SPRING1: variants seen among roughly 807,000 people sequenced by gnomAD.
The protein encoded by SPRING1 is SREBP regulating gene protein.
SPRING1 carries 14 observed loss-of-function variants against 24.7 expected under a neutral mutation model. That is an observed-to-expected ratio of 0.57 (90% CI 0.37 to 0.88). The LOEUF is 0.88. SPRING1 is among the 40% of genes least tolerant of loss of function. The probability of loss-of-function intolerance (pLI) is 0.00; values close to 1 mark genes in which losing one functional copy is unlikely to be tolerated. For missense variants in SPRING1, 255 were observed against 268.4 expected, an observed-to-expected ratio of 0.95 and a Z score of 0.35; for synonymous variants, 93 against 106.1, an observed-to-expected ratio of 0.88 and a Z score of 0.76.
chr12:116,731,609 G>A (rs1870979559), intron 1 of SPRING1, among the ~76,000 whole-genome samples: 1 of 152,060 alleles, frequency 6.6e-6, no homozygotes, highest in African/African-American at 2.4e-5. Flanking sequence ...AATTAGCTGG[G>A]TGTGGTTGCC....
chr12:116,738,055 G>T lies in SPRING1; in HGVS notation c.-155C>A, dbSNP rs1484081107. The stretch of plus-strand genomic sequence containing the variant: ...CAGTCTGCTCCCGGCAGCCTTGGGC[G>T]CAGCCCCACGTGACCCCGCCCTACG... On this transcript the variant is annotated 5_prime_UTR_variant, in exon 1 of 5. Transcript: ENST00000261318. The T allele has an allele frequency of 9.2e-7, 1 of 1,083,296 alleles. No individual in the cohort carries two copies. Among genetic ancestry groups the T allele is most frequent in the Non-Finnish European group, 1.1e-6 (1 of 894,638 alleles). The allele number at this position is 1,083,296 out of a possible 1,614,324, so 67.1% of individuals were successfully genotyped here.
chr12:116,735,641 G>A (rs1003588596), intron 1 of SPRING1, among the ~76,000 whole-genome samples: 3 of 152,076 alleles, frequency 2.0e-5, no homozygotes, highest in Non-Finnish European at 1.5e-5. Context: ...CTAAGGCAGG[G>A]AGAACTGCTT....
chr12:116,722,601 A>G (rs1870485706), intron 2 of SPRING1, among the ~76,000 whole-genome samples: 1 of 152,252 alleles, frequency 6.6e-6, no homozygotes, highest in African/African-American at 2.4e-5. Flanking sequence ...TGTCACTGGC[A>G]TCACTGCTGA....
At chr12:116,723,282 C>T (rs1375045691) in intron 1 of SPRING1, 59 bp from the exon 2 acceptor site, 6 of 1,588,364 alleles carry the variant, frequency 3.8e-6, no homozygotes, top group Non-Finnish European at 5.2e-6. Flanking sequence ...TACAATTTCA[C>T]CAGTTTTTCA....
chr12:116,737,179 T>TGCAGGGACCAAGGCGGTGG (rs974546792), intron 1 of SPRING1, among the ~76,000 whole-genome samples: 1 of 152,122 alleles, frequency 6.6e-6, no homozygotes, highest in African/African-American at 2.4e-5. Flanking sequence ...CCCTTCCCGC[T>TGCAGGGACCAAGGCGGTGG]GCAGGGACCA....
At chr12:116,721,562 A>G (rs1293199471) in intron 2 of SPRING1, among the ~76,000 whole-genome samples, 1 of 152,194 alleles carries the variant, frequency 6.6e-6, no homozygotes, top group Non-Finnish European at 1.5e-5. Flanking sequence ...TGGGTTCCAG[A>G]TACTTGGGAA....
chr12:116,722,507 A>T (rs1356968885), intron 2 of SPRING1, among the ~76,000 whole-genome samples: 1 of 152,192 alleles, frequency 6.6e-6, no homozygotes, highest in Non-Finnish European at 1.5e-5. Context: ...CCTTTTGCTA[A>T]ACTTCACTCT....
chr12:116,730,439 G>A (rs1870920892), intron 1 of SPRING1, among the ~76,000 whole-genome samples: 2 of 151,006 alleles, frequency 1.3e-5, no homozygotes, highest in Non-Finnish European at 1.5e-5. Context: ...CCTGACCTCA[G>A]GTGATCCACC....
rs1245249795 is a variant in SPRING1, at chr12:116,717,808, C to G, written c.*2G>C. ...CAGGCTGGAGCAAGTCCGCTGCACC[C>G]GTCAAGCGGGGAAGAGCTCGGGCGG... On this transcript the variant is annotated 3_prime_UTR_variant, in exon 5 of 5. Coordinates refer to ENST00000261318, the MANE Select transcript of SPRING1 (RefSeq NM_024738.4). This position sits in a 1 kb window ranked among gnomAD's most constrained non-coding sequence, Gnocchi z 4.2. The G allele has an allele frequency of 1.9e-6, 3 of 1,589,548 alleles. No homozygotes were observed. The highest frequency in any genetic ancestry group is 2.6e-6 in the Non-Finnish European group (3 of 1,169,774).
At chr12:116,731,035 T>C (rs1592923087) in intron 1 of SPRING1, among the ~76,000 whole-genome samples, 1 of 152,370 alleles carries the variant, frequency 6.6e-6, no homozygotes, top group East Asian at 1.9e-4. Context: ...GCCAAAGCTC[T>C]TCCTCAAGAC....
In SPRING1 at chr12:116,710,865, C is replaced by CA. The variant is rs1422299781; in HGVS notation, c.*6944_*6945insT. The CA allele has an allele frequency of 3.3e-5, 5 of 152,146 alleles. No homozygotes were observed. Among genetic ancestry groups the CA allele is most frequent in the Non-Finnish European group, 7.3e-5 (5 of 68,036 alleles). The allele number at this position is 152,146 out of a possible 1,614,324, so 9.4% of individuals were successfully genotyped here. On this transcript the variant is annotated 3_prime_UTR_variant, in exon 5 of 5. Transcript: ENST00000261318. ...TTGTTACAAAAATTGGAATTTGGAT[C>CA]TGCAAGATACGCTAGCCATCACCCT... is the stretch of plus-strand genomic sequence containing the variant.
rs1870240433 is a variant in SPRING1, at chr12:116,717,938, C to T, written c.535-45G>A. 3 of 1,423,596 alleles carry T rather than the reference C, an allele frequency of 2.1e-6. No individual in the cohort carries two copies. Among genetic ancestry groups the T allele is most frequent in the Admixed American group, 2.1e-5 (1 of 48,066 alleles). The allele number at this position is 1,423,596 out of a possible 1,614,324, so 88.2% of individuals were successfully genotyped here. On this transcript the variant is annotated intron_variant, in intron 4 of 4. Coordinates refer to ENST00000261318, the MANE Select transcript of SPRING1 (RefSeq NM_024738.4). This position sits in a 1 kb window ranked among gnomAD's most constrained non-coding sequence, Gnocchi z 4.2. Reference sequence around the variant, plus strand: ...AAGAGCGCAGTGAGAGCGAGCACAGCTTCACACACCTCCCTCTCGGAAGAG... The same window carrying T: ...AAGAGCGCAGTGAGAGCGAGCACAGTTTCACACACCTCCCTCTCGGAAGAG...
rs1870796450 is a variant in SPRING1, at chr12:116,728,223, C to A, written c.112-5000G>T. On this transcript the variant is annotated intron_variant, in intron 1 of 4. Transcript: ENST00000261318. This position sits in a 1 kb window ranked among gnomAD's most constrained non-coding sequence, Gnocchi z 4.2. Reference sequence around the variant, plus strand: ...CCGCCCTGCCACTAGATCATGTCATCCTGTTTTGTTTTCTTCATAACATAC... The same window carrying A: ...CCGCCCTGCCACTAGATCATGTCATACTGTTTTGTTTTCTTCATAACATAC... Among the ~76,000 whole-genome samples the A allele has an allele frequency of 6.6e-6, 1 of 152,120 alleles. No individual in the cohort carries two copies. Among genetic ancestry groups the A allele is most frequent in the African/African-American group, 2.4e-5 (1 of 41,424 alleles).
In SPRING1 at chr12:116,713,610, G is replaced by A. The variant is rs2137023903; in HGVS notation, c.*4200C>T. 6.6e-6 allele frequency: 1 copy of A among 152,342 alleles called. No individual in the cohort carries two copies. The highest frequency in any genetic ancestry group is 1.9e-4 in the East Asian group (1 of 5,194). The allele number at this position is 152,342 out of a possible 1,614,324, so 9.4% of individuals were successfully genotyped here. A position where few individuals can be genotyped will look rare whatever the true frequency, so the allele number is the denominator to read the frequency against. ...TTCAGATAAACATACAACCATGTAT[G>A]TAAAAGTATTTATCATCAATGCATT... is the stretch of plus-strand genomic sequence containing the variant. On this transcript the variant is annotated 3_prime_UTR_variant, in exon 5 of 5. Transcript: ENST00000261318.
chr12:116,733,744 CA>C (rs1871105255), intron 1 of SPRING1, among the ~76,000 whole-genome samples: 1 of 152,172 alleles, frequency 6.6e-6, no homozygotes, highest in Admixed American at 6.5e-5. Context: ...CCTGTGTGGA[CA>C]GCTGACAGTA....
chr12:116,733,154 C>T (rs1871062793), intron 1 of SPRING1, among the ~76,000 whole-genome samples: 1 of 152,102 alleles, frequency 6.6e-6, no homozygotes, highest in African/African-American at 2.4e-5. Context: ...GATCCTGACC[C>T]TGTGAAGGCC....
intron 1 of SPRING1, among the ~76,000 whole-genome samples, chr12:116,736,042 A>T (rs1478917431): frequency 0.11 from 1,465 of 12,840 alleles, 102 homozygotes; most frequent in East Asian, 0.48. Context: ...CAGTCTTTAA[A>T]AAAAAAAAAA....
chr12:116,738,040 C>G lies in SPRING1; in HGVS notation c.-140G>C. On this transcript the variant is annotated 5_prime_UTR_variant, in exon 1 of 5. Transcript: ENST00000261318. The stretch of plus-strand genomic sequence containing the variant: ...CCGCCGCCCGCAGCCCAGTCTGCTC[C>G]CGGCAGCCTTGGGCGCAGCCCCACG... 9.1e-7 allele frequency: 1 copy of G among 1,095,554 alleles called. No individual in the cohort carries two copies. Among genetic ancestry groups the G allele is most frequent in the Non-Finnish European group, 1.1e-6 (1 of 901,866 alleles). 67.9% of individuals were successfully genotyped at this position (1,095,554 alleles called of 1,614,324 possible). A position where few individuals can be genotyped will look rare whatever the true frequency, so the allele number is the denominator to read the frequency against.
At position 116,714,413 on chromosome 12, in the gene SPRING1, T is replaced by G. The variant is rs1455134051; in HGVS notation, c.*3397A>C. 1 of 152,240 alleles carries G rather than the reference T, an allele frequency of 6.6e-6. No individual in the cohort carries two copies. The highest frequency in any genetic ancestry group is 1.5e-5 in the Non-Finnish European group (1 of 68,036). 9.4% of individuals were successfully genotyped at this position (152,240 alleles called of 1,614,324 possible). The stretch of plus-strand genomic sequence containing the variant: ...CTGAGGCATCTCCAGGAGGCCCCAG[T>G]TGGGCTTGGGGACATGCTGAGAGGT... On this transcript the variant is annotated 3_prime_UTR_variant, in exon 5 of 5. Coordinates refer to ENST00000261318, the MANE Select transcript of SPRING1 (RefSeq NM_024738.4).
Sources: allele counts gnomAD v4.1 joint callset (sites outside exome capture counted in the v4.1 genomes callset), GRCh38; gene constraint gnomAD v4.1.1; non-coding constraint Gnocchi (gnomAD v3.1); transcripts MANE v1.5; gene names NCBI Gene and HGNC (gene_info 2026-07-23, HGNC 2026-07-21).